Variants in MEI4 observed in about 807,000 individuals in gnomAD.
MEI4 encodes meiosis-specific protein MEI4.
A neutral mutation model predicts 31.4 loss-of-function variants in MEI4; 27 were observed. That is an observed-to-expected ratio of 0.86 (90% CI 0.63 to 1.19). MEI4 has a LOEUF of 1.19. MEI4 is among the 50% of genes most tolerant of loss of function. The pLI is 0.00. For synonymous variants in MEI4, 122 were observed against 145.4 expected (o/e 0.84, Z 1.16); for missense variants, 329 against 398.9 (o/e 0.82, Z 1.49).
intron 4 of MEI4, among the ~76,000 whole-genome samples, chr6:77,848,375 T>C (rs1770536817): frequency 6.6e-6 from 1 of 152,192 alleles, no homozygotes; most frequent in Non-Finnish European, 1.5e-5. Flanking sequence ...AAGGGAATCA[T>C]TTCTGATGAT....
At chr6:77,873,502 T>C (rs1192835576) in intron 4 of MEI4, among the ~76,000 whole-genome samples, 2 of 152,254 alleles carry the variant, frequency 1.3e-5, no homozygotes, top group Admixed American at 6.5e-5. Flanking sequence ...TTCTGGATAT[T>C]AGCCCTTTGT....
intron 4 of MEI4, among the ~76,000 whole-genome samples, chr6:77,868,499 C>CTATATATATA (rs71558933): frequency 0.047 from 2,891 of 61,518 alleles, 324 homozygotes; most frequent in African/African-American, 0.1. Flanking sequence ...GTAAAAAATA[C>CTATATATATA]TACATATATA....
At chr6:77,869,428 A>G (rs905303167) in intron 4 of MEI4, among the ~76,000 whole-genome samples, 3 of 152,132 alleles carry the variant, frequency 2.0e-5, no homozygotes, top group East Asian at 1.9e-4. Flanking sequence ...CCCTAATCCA[A>G]TCTTTCTGAT....
At chr6:77,754,218 T>C (rs1034197783) in intron 2 of MEI4, among the ~76,000 whole-genome samples, 2 of 152,108 alleles carry the variant, frequency 1.3e-5, no homozygotes, top group Non-Finnish European at 2.9e-5. Context: ...AACCTGCATG[T>C]TCTGCACATG....
At chr6:77,889,982 T>C (rs778089426) in intron 4 of MEI4, among the ~76,000 whole-genome samples, 1 of 152,194 alleles carries the variant, frequency 6.6e-6, no homozygotes, top group Non-Finnish European at 1.5e-5. Context: ...TTTCAGAGCA[T>C]GTATGGAAAT....
At chr6:77,800,581 G>A (rs946209630) in intron 3 of MEI4, among the ~76,000 whole-genome samples, 4 of 152,146 alleles carry the variant, frequency 2.6e-5, no homozygotes, top group African/African-American at 4.8e-5. Flanking sequence ...GTTTTCAAAG[G>A]GAATGCTTCC....
rs1766714474 is a variant in MEI4, at chr6:77,921,979, G to A, written c.901-1110G>A. Among the ~76,000 whole-genome samples, 7 of 151,842 alleles carry A rather than the reference G, an allele frequency of 4.6e-5. 1 individual carries two copies. In the South Asian group the frequency reaches 1.5e-3, roughly 32 times the overall value. The stretch of plus-strand genomic sequence containing the variant: ...TACCAGTATGTGACACAGATACAAA[G>A]TGAGCACATGTTGGAAAAATGACTC... On this transcript the variant is annotated intron_variant, in intron 4 of 4. Transcript: ENST00000684080.
intron 1 of MEI4, among the ~76,000 whole-genome samples, chr6:77,689,967 C>G (rs1201938489): frequency 1.3e-5 from 2 of 151,842 alleles, no homozygotes; most frequent in Non-Finnish European, 2.9e-5. Context: ...GTCATGTGGC[C>G]TCCATAAGTA....
chr6:77,746,374 A>G (rs1258787728), intron 2 of MEI4, among the ~76,000 whole-genome samples: 2 of 152,186 alleles, frequency 1.3e-5, no homozygotes, highest in African/African-American at 4.8e-5. Flanking sequence ...AATAAGTGGA[A>G]GCCCTGAGTT....
intron 4 of MEI4, among the ~76,000 whole-genome samples, chr6:77,917,836 G>A (rs35991104): frequency 1.4e-5 from 2 of 145,760 alleles, no homozygotes; most frequent in South Asian, 2.1e-4. Context: ...ACATGAAGTC[G>A]TTGCCCATGC....
chr6:77,829,617 T>A (rs139401157), intron 4 of MEI4, among the ~76,000 whole-genome samples: 338 of 152,284 alleles, frequency 2.2e-3, no homozygotes, highest in African/African-American at 7.4e-3. Context: ...TAAGCCCTTT[T>A]ATCTGTGGAA....
chr6:77,839,101 A>G (rs1770294376), intron 4 of MEI4, among the ~76,000 whole-genome samples: 1 of 152,156 alleles, frequency 6.6e-6, no homozygotes, highest in Non-Finnish European at 1.5e-5. Context: ...CAAAATCTTT[A>G]ACAGAAACAA....
intron 2 of MEI4, among the ~76,000 whole-genome samples, chr6:77,725,835 G>A (rs9443462): frequency 1.6e-3 from 5 of 3,072 alleles, no homozygotes; most frequent in African/African-American, 5.8e-3. Context: ...GCATACAATC[G>A]GGTTTTATAC....
At chr6:77,758,185 A>G (rs187875247) in intron 2 of MEI4, among the ~76,000 whole-genome samples, 7 of 151,596 alleles carry the variant, frequency 4.6e-5, no homozygotes, top group Admixed American at 4.6e-4. Context: ...AAAGAAAGAA[A>G]TAGCCACATG....
chr6:77,775,322 TTC>T (rs1768411776), intron 3 of MEI4, among the ~76,000 whole-genome samples: 1 of 152,120 alleles, frequency 6.6e-6, no homozygotes. Flanking sequence ...GTGGTCTTTT[TTC>T]TCTCATTCCC....
intron 4 of MEI4, among the ~76,000 whole-genome samples, chr6:77,915,140 T>TTATC (rs1766516010): frequency 6.6e-6 from 1 of 152,112 alleles, no homozygotes; most frequent in South Asian, 2.1e-4. Context: ...TCCTTTCCTT[T>TTATC]TATCTATTTG....
intron 3 of MEI4, among the ~76,000 whole-genome samples, chr6:77,770,029 G>A (rs145417991): frequency 6.6e-6 from 1 of 151,836 alleles, no homozygotes; most frequent in East Asian, 2.0e-4. Context: ...CCGCAGTGGG[G>A]TAGAGCACCA....
chr6:77,650,502 G>A (rs1008939454), upstream of MEI4, among the ~76,000 whole-genome samples: 1 of 152,218 alleles, frequency 6.6e-6, no homozygotes, highest in Non-Finnish European at 1.5e-5. Flanking sequence ...CGCCCCTGGG[G>A]ATGGCGCAGA....
intron 3 of MEI4, among the ~76,000 whole-genome samples, chr6:77,773,625 T>A (rs767436178): frequency 9.2e-5 from 14 of 152,026 alleles, no homozygotes; most frequent in Non-Finnish European, 1.3e-4. Flanking sequence ...TCTTGAGTAA[T>A]ACCTCACAAG....
Sources: allele counts gnomAD v4.1 joint callset (sites outside exome capture counted in the v4.1 genomes callset), GRCh38; gene constraint gnomAD v4.1.1; transcripts MANE v1.5; gene names NCBI Gene and HGNC (gene_info 2026-07-23, HGNC 2026-07-21).